RIMS1: variants seen among roughly 807,000 people sequenced by gnomAD.
RIMS1 encodes the protein regulating synaptic membrane exocytosis 1.
In RIMS1, 83 loss-of-function variants were observed where a neutral mutation model predicts 214.1. That is an observed-to-expected ratio of 0.39 (90% CI 0.32 to 0.47). The LOEUF is 0.47. Ranked by LOEUF, RIMS1 falls within the 20% of genes least tolerant of loss-of-function variation. The probability of loss-of-function intolerance (pLI) is 0.99; values close to 1 mark genes in which losing one functional copy is unlikely to be tolerated. For synonymous variants in RIMS1, 793 were observed against 786.8 expected (o/e 1.01, Z -0.13); for missense variants, 2,050 against 2,161.8 (o/e 0.95, Z 1.03).
chr6:71,949,926 G>T (rs1364358705), intron 1 of RIMS1, among the ~76,000 whole-genome samples: 1 of 152,018 alleles, frequency 6.6e-6, no homozygotes, highest in Non-Finnish European at 1.5e-5. Context: ...TTCATAACAG[G>T]TTTATTCATA....
intron 2 of RIMS1, among the ~76,000 whole-genome samples, chr6:72,070,308 T>C (rs1017589746): frequency 9.9e-5 from 15 of 152,196 alleles, no homozygotes; most frequent in Non-Finnish European, 1.2e-4. Context: ...CTTTTATTCA[T>C]ATAATCATAT....
At chr6:72,255,334 T>G (rs1263061772) in intron 16 of RIMS1, among the ~76,000 whole-genome samples, 1 of 152,218 alleles carries the variant, frequency 6.6e-6, no homozygotes, top group African/African-American at 2.4e-5. Flanking sequence ...CTTCTATATA[T>G]GTTTAATGTA....
chr6:72,155,435 T>C (rs569582318), intron 4 of RIMS1, among the ~76,000 whole-genome samples: 1 of 140,530 alleles, frequency 7.1e-6, no homozygotes, highest in South Asian at 2.3e-4. Context: ...TGCTTCCACA[T>C]TTTCAGGTAT....
intron 4 of RIMS1, among the ~76,000 whole-genome samples, chr6:72,121,801 G>A (rs1356293868): frequency 6.6e-6 from 1 of 151,794 alleles, no homozygotes; most frequent in East Asian, 1.9e-4. Context: ...GTCATAAATA[G>A]TTCTTATTAT....
intron 26 of RIMS1, among the ~76,000 whole-genome samples, chr6:72,299,171 C>T (rs1365532008): frequency 1.3e-5 from 2 of 151,836 alleles, no homozygotes; most frequent in East Asian, 3.9e-4. Flanking sequence ...AATTAAATGA[C>T]TTCAAGGTGA....
At chr6:72,080,490 C>T (rs139744107) in intron 2 of RIMS1, among the ~76,000 whole-genome samples, 1 of 152,270 alleles carries the variant, frequency 6.6e-6, no homozygotes, top group Non-Finnish European at 1.5e-5. Flanking sequence ...TCTTCTATTA[C>T]AAACATAGGA....
intron 1 of RIMS1, among the ~76,000 whole-genome samples, chr6:71,911,832 C>G (rs1309591579): frequency 6.6e-6 from 1 of 152,062 alleles, no homozygotes; most frequent in Non-Finnish European, 1.5e-5. Context: ...TATTTCAGGT[C>G]TTGAAGGGAT....
rs547492729 is a variant in RIMS1 at position 72,085,595 on chromosome 6, C to A, written c.246-11354C>A. Among the ~76,000 whole-genome samples, 3 of 152,182 alleles carry A rather than the reference C, an allele frequency of 2.0e-5. No individual in the cohort carries two copies. The South Asian group carries it at 6.2e-4, about 32-fold the overall frequency. On this transcript the variant is annotated intron_variant, in intron 2 of 33. Transcript: ENST00000521978. Reference sequence around the variant, plus strand: ...GACAGATCTGTGAAAAAATTGCCTTCATTTTCAAGTTTATTCTTAATGTTT... The same window carrying A: ...GACAGATCTGTGAAAAAATTGCCTTAATTTTCAAGTTTATTCTTAATGTTT...
chr6:72,318,943 T>G (rs1194862851), intron 28 of RIMS1, among the ~76,000 whole-genome samples: 1 of 152,174 alleles, frequency 6.6e-6, no homozygotes, highest in African/African-American at 2.4e-5. Context: ...CATTTGGAAG[T>G]GAAAGGATTT....
intron 29 of RIMS1, among the ~76,000 whole-genome samples, chr6:72,344,746 T>C (rs1023313940): frequency 1.3e-5 from 2 of 151,754 alleles, no homozygotes; most frequent in Non-Finnish European, 2.9e-5. Flanking sequence ...TCAATTCAGC[T>C]AAAGTAACTC....
chr6:72,304,264 TTTA>T (rs2094928671), intron 26 of RIMS1, among the ~76,000 whole-genome samples: 1 of 151,736 alleles, frequency 6.6e-6, no homozygotes, highest in African/African-American at 2.4e-5. Flanking sequence ...TGGAAAATAC[TTTA>T]TTTACTATTT....
At chr6:72,374,106 G>A (rs974686523) in intron 29 of RIMS1, among the ~76,000 whole-genome samples, 2 of 151,966 alleles carry the variant, frequency 1.3e-5, no homozygotes, top group African/African-American at 4.8e-5. Flanking sequence ...GTAGACATGG[G>A]GTTTCAGCGT....
At chr6:72,023,284 T>C (rs77574543) in intron 2 of RIMS1, among the ~76,000 whole-genome samples, 1,753 of 152,298 alleles carry the variant, frequency 0.012, 9 homozygotes, top group Non-Finnish European at 0.017. Flanking sequence ...ATTTATGATA[T>C]AGAACAGTGT....
At chr6:72,116,830 A>T (rs1414966277) in intron 4 of RIMS1, among the ~76,000 whole-genome samples, 1 of 152,008 alleles carries the variant, frequency 6.6e-6, no homozygotes, top group East Asian at 1.9e-4. Flanking sequence ...AAACATTACC[A>T]TTGAAAATAT....
At chr6:72,047,227 CT>C (rs1823327273) in intron 2 of RIMS1, among the ~76,000 whole-genome samples, 1 of 152,122 alleles carries the variant, frequency 6.6e-6, no homozygotes. Context: ...TTTTGAGATT[CT>C]TTGAATAAGC....
chr6:72,132,372 C>G (rs1040186021), intron 4 of RIMS1, among the ~76,000 whole-genome samples: 1 of 152,190 alleles, frequency 6.6e-6, no homozygotes, highest in African/African-American at 2.4e-5. Flanking sequence ...CAGTCAGTCC[C>G]TCTGTTTGGG....
rs544661854 is a variant in RIMS1, at chr6:72,155,126, A to G, written c.472-24449A>G. Among the ~76,000 whole-genome samples, 51 of 139,558 alleles carry G rather than the reference A, an allele frequency of 3.7e-4. 7 individuals carry two copies. The highest frequency in any genetic ancestry group is 3.0e-3 in the Admixed American group (41 of 13,578). The allele number at this position is 139,558 out of a possible 152,430, so 91.6% of individuals were successfully genotyped here. A position where few individuals can be genotyped will look rare whatever the true frequency, so the allele number is the denominator to read the frequency against. Reference sequence around the variant, plus strand: ...TAGAGAGCTGGCTGGCCAGGAAACCATTTTCTCCTAGGCCTCCAGGCCTGT... The same window carrying G: ...TAGAGAGCTGGCTGGCCAGGAAACCGTTTTCTCCTAGGCCTCCAGGCCTGT... On this transcript the variant is annotated intron_variant, in intron 4 of 33. Transcript: ENST00000521978.
intron 1 of RIMS1, among the ~76,000 whole-genome samples, chr6:71,892,971 A>G (rs1159321505): frequency 6.6e-6 from 1 of 152,198 alleles, no homozygotes; most frequent in East Asian, 1.9e-4. Flanking sequence ...CAAGCATCAG[A>G]TTTTATATGT....
rs2083457220 is a variant in RIMS1 at position 72,271,664 on chromosome 6, C to A, written c.3399-2685C>A. Among the ~76,000 whole-genome samples, 3 of 152,142 alleles carry A rather than the reference C, an allele frequency of 2.0e-5. No homozygotes were observed. In the South Asian group the frequency reaches 6.2e-4, roughly 32 times the overall value. On this transcript the variant is annotated intron_variant, in intron 22 of 33. Coordinates refer to ENST00000521978, the MANE Select transcript of RIMS1 (RefSeq NM_014989.7). The stretch of plus-strand genomic sequence containing the variant: ...ATGCCTGGGGGAGAGGGAAGAGCTG[C>A]AACATAAGTATCATTTAATTGCTTT...
Sources: gnomAD v4.1 joint callset for allele counts (sites outside exome capture counted in the v4.1 genomes callset) on GRCh38, gnomAD v4.1.1 for gene constraint, MANE v1.5 for transcripts, NCBI Gene and HGNC (gene_info 2026-07-23, HGNC 2026-07-21) for gene names.